The following CASC3 variants were observed in gnomAD, a reference collection of about 807,000 sequenced individuals.
The protein encoded by CASC3 is CASC3 exon junction complex subunit.
A neutral mutation model predicts 80.5 loss-of-function variants in CASC3; 30 were observed. That is an observed-to-expected ratio of 0.37 (90% confidence interval 0.28 to 0.51). The LOEUF (loss-of-function observed/expected upper bound fraction) is 0.51. Among genes scored for constraint, CASC3 ranks in the 20% least tolerant of loss-of-function variants. The probability of loss-of-function intolerance (pLI) is 0.94; values close to 1 mark genes in which losing one functional copy is unlikely to be tolerated. For synonymous variants in CASC3, 312 were observed against 333.6 expected, an observed-to-expected ratio of 0.94 and a Z score of 0.70; for missense variants, 824 against 922.2, an observed-to-expected ratio of 0.89 and a Z score of 1.38.
rs1231520948 is a variant in CASC3 at position 40,169,463 on chromosome 17, C to T, written c.2088+17C>T. The T allele has an allele frequency of 6.2e-7, 1 of 1,601,560 alleles. No individual in the cohort carries two copies. The highest frequency in any genetic ancestry group is 2.2e-5 in the East Asian group (1 of 44,530). On this transcript the variant is annotated intron_variant, in intron 12 of 13. Coordinates refer to ENST00000264645, the MANE Select transcript of CASC3 (RefSeq NM_007359.5). ...CCACCTGAGGTATGAGAGTTCCTTC[C>T]TATACTTAATGCACATGCTCCGTCA...
rs1265388891 is a variant in CASC3 at position 40,164,131 on chromosome 17, G to A, written c.1436G>A (p.Gly479Glu). 2 of 1,610,548 alleles carry A rather than the reference G, an allele frequency of 1.2e-6. No homozygotes were observed. Among genetic ancestry groups the A allele is most frequent in the East Asian group, 2.2e-5 (1 of 44,864 alleles). Residue 479 changes from glycine (G) to glutamate (E), a missense_variant, in exon 7 of 14, where the codon GGG (glycine) becomes GAG (glutamate). By Grantham distance (98) the Gly-to-Glu change is moderately conservative. This residue lies in a region of CASC3 where 464 missense variants were observed against 506.0 expected (regional missense o/e 0.92). Transcript: ENST00000264645. ...LNIAEQNWSPGQPSFLQPREL... is the reference protein window; with the variant it reads ...LNIAEQNWSPEQPSFLQPREL... ...ATAGCAGAACAGAATTGGAGTCCGG[G>A]GCAGCCTTCTTTCCTGCAACCACGG...
Position 40,140,988 on chromosome 17 carries a change from AG to A in CASC3, c.231+210del, listed in dbSNP as rs1279980984. Reference sequence around the variant, plus strand: ...TTGGGGGTTTCTGGGAGGATGGTAGAGCCGCTGGAGATGGAAAGCGGATGTT... The same window carrying A: ...TTGGGGGTTTCTGGGAGGATGGTAGACCGCTGGAGATGGAAAGCGGATGTT... On this transcript the variant is annotated intron_variant, in intron 1 of 13. Coordinates refer to ENST00000264645, the MANE Select transcript of CASC3 (RefSeq NM_007359.5). The A allele has an allele frequency of 4.7e-6, 3 of 633,676 alleles. No homozygotes were observed. In the East Asian group the frequency reaches 8.5e-5, roughly 18 times the overall value. The allele number at this position is 633,676 out of a possible 1,614,324, so 39.3% of individuals were successfully genotyped here.
intron 3 of CASC3, among the ~76,000 whole-genome samples, chr17:40,157,161 T>C (rs964036147): frequency 1.3e-5 from 2 of 150,222 alleles, no homozygotes; most frequent in African/African-American, 4.9e-5. Flanking sequence ...CTGGCTAACA[T>C]GGTGAAACCC....
intron 11 of CASC3, 40 bp downstream of exon 11, chr17:40,168,457 C>G (rs201127604): frequency 9.0e-6 from 14 of 1,553,578 alleles, no homozygotes; most frequent in African/African-American, 2.7e-5. Context: ...GATACACATT[C>G]TTTAATTCAG....
chr17:40,164,242 A>G, intron 7 of CASC3, 76 bp downstream of exon 7: 1 of 1,166,960 alleles, frequency 8.6e-7, no homozygotes, highest in Admixed American at 2.7e-5. Context: ...CTTCTGTCTC[A>G]GGAAGGTGGT....
chr17:40,141,756 C>G, intron 3 of CASC3, 149 bp downstream of exon 3: 1 of 747,860 alleles, frequency 1.3e-6, no homozygotes. Context: ...TACAGAAGGT[C>G]TTGTTCACTT....
chr17:40,144,117 G>T (rs1988791613), intron 3 of CASC3, among the ~76,000 whole-genome samples: 1 of 151,354 alleles, frequency 6.6e-6, no homozygotes, highest in Non-Finnish European at 1.5e-5. Context: ...AAATTAAGTA[G>T]GCGTGGTGGC....
At chr17:40,168,603 T>C (rs140624980) in intron 11 of CASC3, 186 bp downstream of exon 11, 46 of 602,706 alleles carry the variant, frequency 7.6e-5, no homozygotes, top group African/African-American at 7.6e-4. Flanking sequence ...CCATCATCTT[T>C]ATTCTTTTCA....
In CASC3 at chr17:40,167,617, G is replaced by A; in HGVS notation, c.1651+5G>A. ...AGGGACATTACTATGATCCACGTGA[G>A]TTTTTTCTTACTGTTGGGGTACTTT... On this transcript the variant is annotated splice_donor_5th_base_variant and intron_variant, in intron 9 of 13. Transcript: ENST00000264645. The A allele has an allele frequency of 6.2e-7, 1 of 1,604,586 alleles. No homozygotes were observed. Among genetic ancestry groups the A allele is most frequent in the Non-Finnish European group, 8.5e-7 (1 of 1,171,554 alleles).
intron 3 of CASC3, among the ~76,000 whole-genome samples, chr17:40,152,063 CTT>C (rs1598423937): frequency 1.3e-5 from 2 of 152,174 alleles, no homozygotes; most frequent in East Asian, 3.8e-4. Context: ...CCTAGTTAAC[CTT>C]TTTGTATGTG....
chr17:40,140,674 C>T lies in CASC3; in HGVS notation c.126C>T (p.Gly42=). 3 of 1,599,608 alleles carry T rather than the reference C, an allele frequency of 1.9e-6. No individual in the cohort carries two copies. The highest frequency in any genetic ancestry group is 2.2e-5 in the South Asian group (2 of 89,904). ...GGGSCSGSAG[G]GGSGSLPSQR... ...GGAGCTGCAGCGGTAGCGCCGGAGG[C>T]GGCGGCAGCGGCTCTCTGCCTTCAC... Residue 42 remains glycine (G), a synonymous_variant, in exon 1 of 14, where the codon GGC becomes GGT. Coordinates refer to ENST00000264645, the MANE Select transcript of CASC3 (RefSeq NM_007359.5).
At chr17:40,155,385 T>C (rs941080972) in intron 3 of CASC3, among the ~76,000 whole-genome samples, 12 of 151,900 alleles carry the variant, frequency 7.9e-5, no homozygotes, top group Non-Finnish European at 8.8e-5. Flanking sequence ...GCCTCCCGGG[T>C]GGCTAGGATT....
intron 3 of CASC3, among the ~76,000 whole-genome samples, chr17:40,149,887 T>C (rs1185998726): frequency 6.6e-6 from 1 of 151,128 alleles, no homozygotes; most frequent in African/African-American, 2.4e-5. Flanking sequence ...CACTTGAGCC[T>C]GGGCGACAGA....
chr17:40,169,742 C>CTTTTTTTTTTTTTTTTTTTTTTTT (rs56186811), intron 13 of CASC3, 80 bp downstream of exon 13: 1 of 91,808 alleles, frequency 1.1e-5, no homozygotes, highest in African/African-American at 8.5e-5. Context: ...TTAATTAATG[C>CTTTTTTTTTTTTTTTTTTTTTTTT]TTTTTTTTTT....
intron 7 of CASC3, among the ~76,000 whole-genome samples, chr17:40,165,145 G>A (rs1425606202): frequency 6.6e-6 from 1 of 151,302 alleles, no homozygotes; most frequent in Admixed American, 6.6e-5. Context: ...GGATGGTCTC[G>A]ATCTCCTGAC....
chr17:40,141,018 T>G (rs1369750984), intron 1 of CASC3, 189 bp from the exon 2 acceptor site: 2 of 644,182 alleles, frequency 3.1e-6, no homozygotes, highest in East Asian at 2.8e-5. Context: ...GGATGTTTTA[T>G]TCAGAAGTCG....
Position 40,163,518 on chromosome 17 carries a change from G to T in CASC3, c.823G>T (p.Gly275Cys). The T allele has an allele frequency of 1.9e-6, 3 of 1,613,580 alleles. No individual in the cohort carries two copies. The South Asian group carries it at 3.3e-5, about 18-fold the overall frequency. The change falls in exon 7 of 14, where the codon GGT (glycine) becomes TGT (cysteine). Residue 275 changes from glycine to cysteine, a missense_variant. By Grantham distance (159) the Gly-to-Cys change is radical. Coordinates refer to ENST00000264645, the MANE Select transcript of CASC3 (RefSeq NM_007359.5). ...TCCACAAAGAGATCCAAACTGGAAC[G>T]GTGAGCGGCTAAACAAGTCTCATCG... is the stretch of plus-strand genomic sequence containing the variant. ...SPPQRDPNWN[G>C]ERLNKSHRHQ...
chr17:40,148,586 C>A (rs1988916601), intron 3 of CASC3, among the ~76,000 whole-genome samples: 1 of 152,080 alleles, frequency 6.6e-6, no homozygotes, highest in Non-Finnish European at 1.5e-5. Context: ...GTCTCGAACT[C>A]CTGACTCAGA....
Position 40,167,990 on chromosome 17 carries a change from GAT to G in CASC3, c.1750+47_1750+48del, listed in dbSNP as rs1360880365. The G allele has an allele frequency of 1.9e-6, 3 of 1,570,626 alleles. No individual in the cohort carries two copies. In the East Asian group the frequency reaches 6.7e-5, roughly 35 times the overall value. On this transcript the variant is annotated intron_variant, in intron 10 of 13. Coordinates refer to ENST00000264645, the MANE Select transcript of CASC3 (RefSeq NM_007359.5). ...TGCTTATATGCTTCCAGTACCTGAG[GAT>G]ATATGTTGGGAGTGCCACAAAACCC...
Sources: allele counts gnomAD v4.1 joint callset (sites outside exome capture counted in the v4.1 genomes callset), GRCh38; gene constraint gnomAD v4.1.1; regional missense constraint gnomAD v4.1.1; transcripts MANE v1.5; gene names NCBI Gene and HGNC (gene_info 2026-07-23, HGNC 2026-07-21).